Variants in ACACA observed in about 807,000 individuals in gnomAD.
The protein encoded by ACACA is acetyl-CoA carboxylase 1.
A neutral mutation model predicts 296.1 loss-of-function variants in ACACA; 103 were observed. The observed-to-expected ratio is 0.35, with a 90% CI of 0.30 to 0.41. ACACA has a LOEUF of 0.41. Ranked by LOEUF, ACACA falls within the 10% of genes least tolerant of loss-of-function variation. The probability of loss-of-function intolerance (pLI) is 1.00; values close to 1 mark genes in which losing one functional copy is unlikely to be tolerated. For missense variants in ACACA, 1,554 were observed against 2,989.7 expected (o/e 0.52, Z 11.20); for synonymous variants, 953 against 1,038.6 (o/e 0.92, Z 1.58).
chr17:37,147,363 G>C (rs1295283662), intron 45 of ACACA, among the ~76,000 whole-genome samples: 1 of 152,016 alleles, frequency 6.6e-6, no homozygotes, highest in Admixed American at 6.6e-5. Context: ...GAGACAGAAA[G>C]ATCAGCACCC....
chr17:37,110,186 A>G (rs2073905762), intron 52 of ACACA, among the ~76,000 whole-genome samples: 1 of 152,238 alleles, frequency 6.6e-6, no homozygotes, highest in South Asian at 2.1e-4. Context: ...TTAGTGGTAA[A>G]CACAGCGGCA....
chr17:37,215,263 C>A (rs996607760), intron 29 of ACACA, among the ~76,000 whole-genome samples: 1 of 152,186 alleles, frequency 6.6e-6, no homozygotes, highest in African/African-American at 2.4e-5. Context: ...GGATTTCCAT[C>A]TATGAAATAG....
intron 38 of ACACA, 80 bp from the exon 39 acceptor site, chr17:37,188,560 A>G: frequency 6.7e-7 from 1 of 1,491,090 alleles, no homozygotes; most frequent in Non-Finnish European, 9.3e-7. Flanking sequence ...ATATTTGAGA[A>G]AGAAGGGGTA....
intron 1 of ACACA, among the ~76,000 whole-genome samples, chr17:37,385,791 A>G (rs2050500258): frequency 6.6e-6 from 1 of 152,138 alleles, no homozygotes; most frequent in Non-Finnish European, 1.5e-5. Context: ...ATGTTAGTTA[A>G]AAGTCCCATG....
intron 3 of ACACA, among the ~76,000 whole-genome samples, chr17:37,302,322 G>A (rs1045929287): frequency 3.3e-5 from 5 of 151,506 alleles, no homozygotes; most frequent in Admixed American, 6.6e-5. Flanking sequence ...CGATTCTCCC[G>A]CCTCAGCCTC....
intron 54 of ACACA, among the ~76,000 whole-genome samples, chr17:37,089,608 G>A (rs1385569734): frequency 1.3e-5 from 2 of 152,160 alleles, no homozygotes; most frequent in African/African-American, 2.4e-5. Flanking sequence ...AGGCACGGAC[G>A]GGGAACTGAT....
chr17:37,177,171 T>C (rs1246425821), intron 41 of ACACA, among the ~76,000 whole-genome samples: 1 of 152,094 alleles, frequency 6.6e-6, no homozygotes, highest in Non-Finnish European at 1.5e-5. Context: ...CTACTAGTCA[T>C]AGCTATAGTC....
chr17:37,305,498 G>T (rs946590913), intron 3 of ACACA, among the ~76,000 whole-genome samples: 2 of 152,206 alleles, frequency 1.3e-5, no homozygotes, highest in South Asian at 2.1e-4. Flanking sequence ...TTATGGGTCT[G>T]GAGTATGGGG....
chr17:37,190,425 C>G (rs888696206), intron 38 of ACACA, among the ~76,000 whole-genome samples: 1 of 150,696 alleles, frequency 6.6e-6, no homozygotes, highest in East Asian at 1.9e-4. Flanking sequence ...GAGACTCTGT[C>G]TCAACAAAAA....
At position 37,087,253 on chromosome 17, in the gene ACACA, T is replaced by C. The variant is rs1173450241; in HGVS notation, c.*63A>G. 63 of 1,608,882 alleles carry C rather than the reference T, an allele frequency of 3.9e-5. No homozygotes were observed. Among genetic ancestry groups the C allele is most frequent in the Non-Finnish European group, 4.8e-5 (57 of 1,176,492 alleles). On this transcript the variant is annotated 3_prime_UTR_variant, in exon 56 of 56. Transcript: ENST00000616317. ...TGCCTTCTCATTACAGTGGTTACAG[T>C]TGTAAAAGGCAGCTCTAGCCCTTTT...
At chr17:37,249,937 G>A (rs1419267448) in intron 16 of ACACA, among the ~76,000 whole-genome samples, 5 of 152,176 alleles carry the variant, frequency 3.3e-5, no homozygotes, top group South Asian at 2.1e-4. Context: ...TAAGTCTCAC[G>A]AGAGCTGATC....
At chr17:37,216,719 G>A (rs1158258982) in intron 29 of ACACA, among the ~76,000 whole-genome samples, 1 of 151,820 alleles carries the variant, frequency 6.6e-6, no homozygotes, top group Non-Finnish European at 1.5e-5. Flanking sequence ...CCTTTTCAGA[G>A]GCTCCCCTAG....
chr17:37,242,852 C>T (rs2080486967), intron 22 of ACACA, among the ~76,000 whole-genome samples: 1 of 152,214 alleles, frequency 6.6e-6, no homozygotes, highest in South Asian at 2.1e-4. Flanking sequence ...TCCTGGCCAA[C>T]ATGGTGAAAC....
chr17:37,132,327 T>C (rs1209760727), intron 45 of ACACA, among the ~76,000 whole-genome samples: 3 of 152,034 alleles, frequency 2.0e-5, no homozygotes, highest in Non-Finnish European at 4.4e-5. Context: ...GAACAAAAAA[T>C]CCAAACCAAA....
chr17:37,124,386 T>C (rs544060613), intron 48 of ACACA, among the ~76,000 whole-genome samples: 19 of 152,374 alleles, frequency 1.2e-4, no homozygotes, highest in African/African-American at 4.6e-4. Flanking sequence ...TTTTCTCTTA[T>C]TTCCCATGGG....
At chr17:37,376,909 G>A (rs557937077) in intron 1 of ACACA, among the ~76,000 whole-genome samples, 1 of 152,156 alleles carries the variant, frequency 6.6e-6, no homozygotes, top group Non-Finnish European at 1.5e-5. Context: ...AGCTGAGATC[G>A]TACCACTGAA....
At chr17:37,219,656 T>C (rs1046167221) in intron 29 of ACACA, among the ~76,000 whole-genome samples, 4 of 149,414 alleles carry the variant, frequency 2.7e-5, no homozygotes, top group Non-Finnish European at 5.9e-5. Flanking sequence ...GGGAAAAATA[T>C]ATTTTATATA....
At chr17:37,174,000 A>AT (rs2076993731) in intron 41 of ACACA, among the ~76,000 whole-genome samples, 1 of 9,532 alleles carries the variant, frequency 1.0e-4, no homozygotes, top group African/African-American at 8.7e-4. Flanking sequence ...ATATATATAT[A>AT]TATATATATA....
intron 41 of ACACA, among the ~76,000 whole-genome samples, chr17:37,174,014 A>T (rs1236278465): frequency 0.15 from 2,120 of 13,906 alleles, 272 homozygotes; most frequent in African/African-American, 0.41. Context: ...ATATATATAT[A>T]TATATATTTT....
Sources: allele counts gnomAD v4.1 joint callset (sites outside exome capture counted in the v4.1 genomes callset), GRCh38; gene constraint gnomAD v4.1.1; transcripts MANE v1.5; gene names NCBI Gene and HGNC (gene_info 2026-07-23, HGNC 2026-07-21).